The following RSRC1 variants were observed in gnomAD, a reference collection of about 807,000 sequenced individuals.
The protein encoded by RSRC1 is arginine and serine rich coiled-coil 1.
Under a neutral mutation model 49.1 loss-of-function variants are expected in RSRC1, and 39 were observed. That is an observed-to-expected ratio of 0.79 (90% CI 0.61 to 1.04). RSRC1 has a LOEUF of 1.04. Ranked by LOEUF, RSRC1 falls within the 50% of genes least tolerant of loss-of-function variation. The pLI is 0.00. For missense variants in RSRC1, 388 were observed against 402.4 expected (o/e 0.96, Z 0.31); for synonymous variants, 143 against 130.8 (o/e 1.09, Z -0.63).
intron 6 of RSRC1, among the ~76,000 whole-genome samples, chr3:158,412,919 G>C (rs1406003717): frequency 1.3e-5 from 2 of 152,192 alleles, no homozygotes; most frequent in Non-Finnish European, 1.5e-5. Flanking sequence ...TACTGCCCAA[G>C]GTAATTTATA....
chr3:158,275,898 T>C (rs1578273816), intron 4 of RSRC1: 1 of 685,782 alleles, frequency 1.5e-6, no homozygotes, highest in East Asian at 3.4e-5. Context: ...TTATGGCCCT[T>C]TCAAAGGCCA....
At chr3:158,337,700 TC>T (rs1729997305) in intron 5 of RSRC1, among the ~76,000 whole-genome samples, 1 of 152,160 alleles carries the variant, frequency 6.6e-6, no homozygotes, top group Admixed American at 6.5e-5. Flanking sequence ...TTATGTTAAG[TC>T]CTTCCTGTGT....
Position 158,311,399 on chromosome 3 carries a change from G to A in RSRC1, c.531+13324G>A, listed in dbSNP as rs1363592844. Among the ~76,000 whole-genome samples, 4 of 151,850 alleles carry A rather than the reference G, an allele frequency of 2.6e-5. No homozygotes were observed. In the East Asian group the frequency reaches 5.8e-4, roughly 22 times the overall value. ...AAATAAATATTTATTATGAATAGAT[G>A]TATAATCTAATTTTTAAATCCAGCC... On this transcript the variant is annotated intron_variant, in intron 5 of 9. Transcript: ENST00000611884.
chr3:158,366,075 A>T (rs1731751549), intron 6 of RSRC1, among the ~76,000 whole-genome samples: 1 of 151,620 alleles, frequency 6.6e-6, no homozygotes, highest in Non-Finnish European at 1.5e-5. Flanking sequence ...GATTGCAAAA[A>T]TTTTCTCCCA....
At chr3:158,537,259 T>G in intron 8 of RSRC1, 61 bp downstream of exon 8, 1 of 951,122 alleles carries the variant, frequency 1.1e-6, no homozygotes, top group East Asian at 2.7e-5. Context: ...AGATGCTTTA[T>G]TAATGGATTT....
chr3:158,140,802 T>TA (rs1292138992), intron 3 of RSRC1, among the ~76,000 whole-genome samples: 1 of 152,172 alleles, frequency 6.6e-6, no homozygotes, highest in Non-Finnish European at 1.5e-5. Context: ...AAGAAAAGAT[T>TA]AAAAAGAAAC....
At chr3:158,143,501 T>A (rs2108199866) in intron 3 of RSRC1, among the ~76,000 whole-genome samples, 1 of 152,264 alleles carries the variant, frequency 6.6e-6, no homozygotes, top group Non-Finnish European at 1.5e-5. Flanking sequence ...AAATGAAAAG[T>A]ATTTTGGAAT....
In RSRC1 at chr3:158,490,428, G is replaced by C. The variant is rs576750578; in HGVS notation, c.652+29425G>C. Among the ~76,000 whole-genome samples, 5 of 152,266 alleles carry C rather than the reference G, an allele frequency of 3.3e-5. No homozygotes were observed. In the East Asian group the frequency reaches 7.7e-4, roughly 23 times the overall value. ...ATTAAAAGAAGCTAAATTATTCTTA[G>C]TGCAATTCTTTAAATTATCCTGTGT... On this transcript the variant is annotated intron_variant, in intron 7 of 9. Transcript: ENST00000611884.
At chr3:158,285,578 T>A (rs1349240866) in intron 4 of RSRC1, among the ~76,000 whole-genome samples, 1 of 152,198 alleles carries the variant, frequency 6.6e-6, no homozygotes, top group African/African-American at 2.4e-5. Flanking sequence ...TGAGCAGTGG[T>A]TTGTAGTTCT....
intron 4 of RSRC1, among the ~76,000 whole-genome samples, chr3:158,213,746 A>G (rs780720061): frequency 6.6e-6 from 1 of 151,952 alleles, no homozygotes; most frequent in African/African-American, 2.4e-5. Context: ...CTTGAGAAAG[A>G]TAAAGGAGGG....
chr3:158,540,981 A>G (rs777229177), intron 8 of RSRC1, among the ~76,000 whole-genome samples: 6 of 152,210 alleles, frequency 3.9e-5, no homozygotes, highest in Admixed American at 1.3e-4. Flanking sequence ...AGCTTTCTGT[A>G]TGAGGGCACT....
At chr3:158,338,508 T>C (rs769917353) in intron 5 of RSRC1, among the ~76,000 whole-genome samples, 8 of 152,190 alleles carry the variant, frequency 5.3e-5, no homozygotes, top group African/African-American at 1.4e-4. Context: ...CATAGTGAGA[T>C]TACATTTAAA....
intron 6 of RSRC1, among the ~76,000 whole-genome samples, chr3:158,362,576 C>T (rs1014059782): frequency 6.6e-6 from 1 of 152,162 alleles, no homozygotes; most frequent in African/African-American, 2.4e-5. Flanking sequence ...GCTTCAAAAG[C>T]AGAAGATATA....
chr3:158,159,528 C>A (rs1046619864), intron 3 of RSRC1, among the ~76,000 whole-genome samples: 6 of 152,082 alleles, frequency 3.9e-5, no homozygotes, highest in Non-Finnish European at 7.4e-5. Flanking sequence ...ATAAAGAAGA[C>A]AAATGACAGT....
chr3:158,518,148 A>ATATACATTTTTTTTT (rs1310027981), intron 7 of RSRC1, among the ~76,000 whole-genome samples: 2 of 44,142 alleles, frequency 4.5e-5, no homozygotes, highest in African/African-American at 3.1e-4. Context: ...ATATATATAT[A>ATATACATTTTTTTTT]TTTTTTTTTT....
Position 158,280,637 on chromosome 3 carries a change from C to CT in RSRC1, c.495-17375dup, listed in dbSNP as rs146925471. On this transcript the variant is annotated intron_variant, in intron 4 of 9. Transcript: ENST00000611884. ...TTTGAGCTCAAGAATGAAGTGATTC[C>CT]TTTTTTTTTTTTTTTTTTTTTTTTT... Among the ~76,000 whole-genome samples, 33 of 64,014 alleles carry CT rather than the reference C, an allele frequency of 5.2e-4. 1 individual carries two copies. Among genetic ancestry groups the CT allele is most frequent in the South Asian group, 2.1e-3 (3 of 1,452 alleles). 42.0% of individuals were successfully genotyped at this position (64,014 alleles called of 152,430 possible).
chr3:158,240,165 T>C (rs958021668), intron 4 of RSRC1, among the ~76,000 whole-genome samples: 4 of 152,192 alleles, frequency 2.6e-5, no homozygotes, highest in Admixed American at 2.6e-4. Flanking sequence ...TTGTTGCCTG[T>C]CTGCCTATTA....
chr3:158,182,237 A>G (rs1329405866), intron 3 of RSRC1, among the ~76,000 whole-genome samples: 1 of 152,160 alleles, frequency 6.6e-6, no homozygotes, highest in East Asian at 1.9e-4. Flanking sequence ...GCAAAGGCCA[A>G]ACGTCAGGAA....
chr3:158,433,988 A>G (rs923409058), intron 6 of RSRC1, among the ~76,000 whole-genome samples: 2 of 151,996 alleles, frequency 1.3e-5, no homozygotes, highest in African/African-American at 4.8e-5. Flanking sequence ...TCATTCTTAG[A>G]GAGTCTAGAA....
Sources: gnomAD v4.1 joint callset for allele counts (sites outside exome capture counted in the v4.1 genomes callset) on GRCh38, gnomAD v4.1.1 for gene constraint, MANE v1.5 for transcripts, NCBI Gene and HGNC (gene_info 2026-07-23, HGNC 2026-07-21) for gene names.